Variants in ANKS1B observed in about 807,000 individuals in gnomAD.
The protein encoded by ANKS1B is ankyrin repeat and sterile alpha motif domain-containing protein 1B.
In ANKS1B, 36 loss-of-function variants were observed where a neutral mutation model predicts 148.3. The observed-to-expected ratio is 0.24, with a 90% CI of 0.19 to 0.32. ANKS1B has a LOEUF of 0.32. Ranked by LOEUF, ANKS1B falls within the 10% of genes least tolerant of loss-of-function variation. ANKS1B has a pLI of 1.00. For synonymous variants in ANKS1B, 542 were observed against 560.8 expected, an observed-to-expected ratio of 0.97 and a Z score of 0.47; for missense variants, 1,157 against 1,542.6, an observed-to-expected ratio of 0.75 and a Z score of 4.19.
intron 8 of ANKS1B, among the ~76,000 whole-genome samples, chr12:99,731,368 C>T (rs1401129432): frequency 2.6e-5 from 4 of 151,902 alleles, no homozygotes; most frequent in Non-Finnish European, 2.9e-5. Context: ...ATCCACTCGC[C>T]TCTGCCTCCC....
intron 8 of ANKS1B, among the ~76,000 whole-genome samples, chr12:99,735,137 A>G (rs1317508740): frequency 1.3e-5 from 2 of 152,214 alleles, no homozygotes; most frequent in African/African-American, 4.8e-5. Flanking sequence ...ATGGAAGTTG[A>G]TAGCAATAAA....
intron 1 of ANKS1B, among the ~76,000 whole-genome samples, chr12:99,835,412 G>A (rs2084689696): frequency 6.6e-6 from 1 of 151,012 alleles, no homozygotes. Flanking sequence ...CTGGACAACA[G>A]AGCAAGACCC....
chr12:99,570,804 A>G (rs898671365), intron 9 of ANKS1B, among the ~76,000 whole-genome samples: 2 of 152,132 alleles, frequency 1.3e-5, no homozygotes, highest in Non-Finnish European at 2.9e-5. Flanking sequence ...AAAAGTATAT[A>G]CAATGTACGT....
At chr12:99,621,430 C>T (rs1271016160) in intron 9 of ANKS1B, among the ~76,000 whole-genome samples, 2 of 150,310 alleles carry the variant, frequency 1.3e-5, no homozygotes, top group Non-Finnish European at 3.0e-5. Context: ...GTCTAAATAC[C>T]CCCCACTTAA....
intron 4 of ANKS1B, among the ~76,000 whole-genome samples, chr12:99,801,019 T>G (rs998410871): frequency 6.6e-6 from 1 of 152,122 alleles, no homozygotes; most frequent in Admixed American, 6.6e-5. Flanking sequence ...TAGATTACAT[T>G]ATTGGCCTCT....
chr12:99,087,807 T>C (rs2052458885), intron 15 of ANKS1B, among the ~76,000 whole-genome samples: 1 of 152,228 alleles, frequency 6.6e-6, no homozygotes, highest in Non-Finnish European at 1.5e-5. Context: ...ATAGTGTGCA[T>C]AGCTACTATC....
chr12:99,310,363 T>C (rs535708833), intron 12 of ANKS1B, among the ~76,000 whole-genome samples: 1 of 152,282 alleles, frequency 6.6e-6, no homozygotes, highest in South Asian at 2.1e-4. Flanking sequence ...TGGATGTTTA[T>C]GTGAGGGTAT....
intron 12 of ANKS1B, among the ~76,000 whole-genome samples, chr12:99,295,257 T>A (rs1189474055): frequency 1.3e-5 from 2 of 152,244 alleles, no homozygotes; most frequent in African/African-American, 4.8e-5. Context: ...CTGTTAATTT[T>A]AAATTTTGTA....
chr12:99,333,129 T>C (rs2087925659), intron 12 of ANKS1B, among the ~76,000 whole-genome samples: 2 of 151,962 alleles, frequency 1.3e-5, no homozygotes, highest in African/African-American at 4.8e-5. Context: ...CAGAGAAAAG[T>C]AAAGGCAGAT....
chr12:99,292,767 G>T (rs1034408318), intron 12 of ANKS1B, among the ~76,000 whole-genome samples: 2 of 151,838 alleles, frequency 1.3e-5, no homozygotes, highest in Admixed American at 1.3e-4. Flanking sequence ...TCATCACTGG[G>T]TATCAGAGAA....
At chr12:98,911,506 G>T (rs1171510903) in intron 17 of ANKS1B, among the ~76,000 whole-genome samples, 3 of 152,174 alleles carry the variant, frequency 2.0e-5, no homozygotes, top group East Asian at 1.9e-4. Flanking sequence ...GATTGTTTTT[G>T]TTCTAAGAAA....
intron 11 of ANKS1B, among the ~76,000 whole-genome samples, chr12:99,409,632 C>A (rs193229333): frequency 6.6e-6 from 1 of 151,812 alleles, no homozygotes; most frequent in East Asian, 1.9e-4. Flanking sequence ...ATATATATAC[C>A]TACTATGTAC....
chr12:99,752,880 A>T (rs908357811), intron 8 of ANKS1B, among the ~76,000 whole-genome samples: 1 of 152,026 alleles, frequency 6.6e-6, no homozygotes, highest in Non-Finnish European at 1.5e-5. Flanking sequence ...CATTAAATAC[A>T]ATAATGTAAG....
At chr12:99,911,895 A>T (rs962332698) in intron 1 of ANKS1B, among the ~76,000 whole-genome samples, 1 of 152,248 alleles carries the variant, frequency 6.6e-6, no homozygotes, top group Non-Finnish European at 1.5e-5. Context: ...AAATATTAAC[A>T]ATAATATCTT....
intron 10 of ANKS1B, among the ~76,000 whole-genome samples, chr12:99,487,342 C>A (rs1050410831): frequency 4.6e-5 from 7 of 152,164 alleles, no homozygotes; most frequent in African/African-American, 1.7e-4. Context: ...TTTTGTTAGA[C>A]AACAAACAGC....
At chr12:98,985,558 T>G (rs1437830517) in intron 17 of ANKS1B, among the ~76,000 whole-genome samples, 1 of 151,674 alleles carries the variant, frequency 6.6e-6, no homozygotes, top group Non-Finnish European at 1.5e-5. Flanking sequence ...TGCTCTAGGG[T>G]TTACATTATT....
At position 99,479,076 on chromosome 12, in the gene ANKS1B, CAT is replaced by C. The variant is rs768676233; in HGVS notation, c.1438+25398_1438+25399del. 6.5e-4 allele frequency among the ~76,000 whole-genome samples: 99 copies of C among 152,064 alleles called. 1 individual carries two copies. The highest frequency in any genetic ancestry group is 1.2e-3 in the Non-Finnish European group (84 of 67,904). On this transcript the variant is annotated intron_variant, in intron 10 of 26. Transcript: ENST00000683438. ...AGATGTGCAATTTATACTTTTAGCA[CAT>C]GTCAATTCAGACAGTAAACTTTAAT...
At chr12:98,910,004 A>C (rs1596699007) in intron 17 of ANKS1B, among the ~76,000 whole-genome samples, 1 of 152,228 alleles carries the variant, frequency 6.6e-6, no homozygotes, top group East Asian at 1.9e-4. Context: ...CTGATCCATC[A>C]GGCTAATTAG....
chr12:99,185,808 TG>T (rs2079763450), intron 14 of ANKS1B, among the ~76,000 whole-genome samples: 1 of 152,182 alleles, frequency 6.6e-6, no homozygotes, highest in Non-Finnish European at 1.5e-5. Flanking sequence ...AGCATAAAAT[TG>T]GGCGGCCATT....
Sources: gnomAD v4.1 joint callset for allele counts (sites outside exome capture counted in the v4.1 genomes callset) on GRCh38, gnomAD v4.1.1 for gene constraint, MANE v1.5 for transcripts, NCBI Gene and HGNC (gene_info 2026-07-23, HGNC 2026-07-21) for gene names.